The following LRP1B variants were observed in gnomAD, a reference collection of about 807,000 sequenced individuals.
LRP1B encodes the protein low-density lipoprotein receptor-related protein 1B.
In LRP1B, 217 loss-of-function variants were observed where a neutral mutation model predicts 556.6. The observed-to-expected ratio is 0.39, with a 90% CI of 0.35 to 0.44. The LOEUF (loss-of-function observed/expected upper bound fraction) is 0.44. Ranked by LOEUF, LRP1B falls within the 20% of genes least tolerant of loss-of-function variation. LRP1B has a pLI of 1.00. For missense variants in LRP1B, 5,053 were observed against 5,620.8 expected (o/e 0.90, Z 3.23); for synonymous variants, 2,047 against 1,865.8 (o/e 1.10, Z -2.50).
At chr2:141,187,358 C>T (rs1681306984) in intron 7 of LRP1B, among the ~76,000 whole-genome samples, 1 of 152,060 alleles carries the variant, frequency 6.6e-6, no homozygotes, top group Non-Finnish European at 1.5e-5. Context: ...CGAAAGTCCA[C>T]ATATGGATGA....
chr2:141,999,936 A>C (rs185207221), intron 1 of LRP1B, among the ~76,000 whole-genome samples: 350 of 151,232 alleles, frequency 2.3e-3, no homozygotes, highest in African/African-American at 8.2e-3. Context: ...GTGAAATTCT[A>C]GAATAAGGTT....
At chr2:141,475,263 A>G (rs1411140362) in intron 3 of LRP1B, among the ~76,000 whole-genome samples, 1 of 152,110 alleles carries the variant, frequency 6.6e-6, no homozygotes, top group Non-Finnish European at 1.5e-5. Context: ...GCTACTTGGG[A>G]CACTGAGGCA....
At chr2:141,105,661 T>C (rs1700585752) in intron 7 of LRP1B, among the ~76,000 whole-genome samples, 1 of 151,988 alleles carries the variant, frequency 6.6e-6, no homozygotes, top group African/African-American at 2.4e-5. Flanking sequence ...TTTGGAAAAG[T>C]CATTGGATTC....
intron 22 of LRP1B, among the ~76,000 whole-genome samples, chr2:140,907,178 T>C (rs375519872): frequency 2.9e-4 from 44 of 152,198 alleles, no homozygotes; most frequent in African/African-American, 9.9e-4. Context: ...CATTATCTAT[T>C]GATGTCACCT....
chr2:141,501,462 A>G (rs757933630), intron 2 of LRP1B, among the ~76,000 whole-genome samples: 25 of 152,190 alleles, frequency 1.6e-4, no homozygotes, highest in Non-Finnish European at 2.6e-4. Flanking sequence ...AATAGCTTCC[A>G]GTGTCCAATC....
intron 7 of LRP1B, among the ~76,000 whole-genome samples, chr2:141,147,409 AAT>A (rs1351387447): frequency 1.3e-5 from 2 of 152,224 alleles, no homozygotes; most frequent in African/African-American, 2.4e-5. Context: ...ATAGTCCAAC[AAT>A]AGAGTTGTAG....
intron 23 of LRP1B, among the ~76,000 whole-genome samples, chr2:140,890,112 AAC>A (rs1239429491): frequency 2.3e-5 from 3 of 127,784 alleles, no homozygotes; most frequent in Admixed American, 7.9e-5. Flanking sequence ...AAAAAAAAAA[AAC>A]CCTAGTTCCA....
chr2:141,893,657 G>T (rs1476958922), intron 1 of LRP1B, among the ~76,000 whole-genome samples: 1 of 152,176 alleles, frequency 6.6e-6, no homozygotes, highest in Non-Finnish European at 1.5e-5. Context: ...AAGCCATGGA[G>T]TATTCACTTG....
At chr2:140,445,771 A>T (rs1036775254) in intron 63 of LRP1B, among the ~76,000 whole-genome samples, 6 of 152,108 alleles carry the variant, frequency 3.9e-5, no homozygotes, top group Admixed American at 1.3e-4. Context: ...CTGAATATGA[A>T]TAATTCACCT....
intron 7 of LRP1B, among the ~76,000 whole-genome samples, chr2:141,142,987 G>A (rs986098419): frequency 7.5e-6 from 1 of 133,452 alleles, no homozygotes; most frequent in East Asian, 2.2e-4. Flanking sequence ...GGAGTTCAAT[G>A]GCGCGATCTC....
At chr2:141,829,763 T>C (rs1697054040) in intron 1 of LRP1B, among the ~76,000 whole-genome samples, 1 of 152,038 alleles carries the variant, frequency 6.6e-6, no homozygotes, top group Admixed American at 6.6e-5. Flanking sequence ...TCTTTTTTAC[T>C]TAGCTGAAAC....
intron 37 of LRP1B, among the ~76,000 whole-genome samples, chr2:140,713,110 T>C (rs1446307527): frequency 6.6e-6 from 1 of 152,132 alleles, no homozygotes; most frequent in African/African-American, 2.4e-5. Flanking sequence ...GAAGTGACTT[T>C]ATATTTATCC....
intron 2 of LRP1B, among the ~76,000 whole-genome samples, chr2:141,714,381 A>G (rs1037126674): frequency 1.3e-5 from 2 of 151,814 alleles, no homozygotes; most frequent in African/African-American, 4.8e-5. Context: ...AATTTGCTTC[A>G]GCTGTGAATG....
intron 3 of LRP1B, among the ~76,000 whole-genome samples, chr2:141,320,252 C>T (rs73965006): frequency 0.021 from 3,204 of 152,044 alleles, 118 homozygotes; most frequent in African/African-American, 0.073. Flanking sequence ...ATTATGCAAA[C>T]CTTTCTTACT....
intron 18 of LRP1B, among the ~76,000 whole-genome samples, chr2:140,975,760 T>C (rs1176922940): frequency 1.3e-5 from 2 of 152,104 alleles, no homozygotes; most frequent in Non-Finnish European, 2.9e-5. Context: ...CATATGCAGG[T>C]TTTTTCTTAG....
intron 1 of LRP1B, among the ~76,000 whole-genome samples, chr2:141,848,484 C>G (rs1005790085): frequency 6.7e-6 from 1 of 149,528 alleles, no homozygotes; most frequent in Non-Finnish European, 1.5e-5. Flanking sequence ...CTAGGAGACT[C>G]TATAAATAAT....
chr2:141,088,466 G>A (rs563781615), intron 7 of LRP1B, among the ~76,000 whole-genome samples: 5 of 152,096 alleles, frequency 3.3e-5, no homozygotes, highest in African/African-American at 1.2e-4. Flanking sequence ...TGAAAATGAC[G>A]GCTTGAGACC....
chr2:140,883,914 G>C lies in LRP1B; in HGVS notation c.4072C>G (p.Gln1358Glu), dbSNP rs775483244. The C allele has an allele frequency of 7.4e-6, 12 of 1,613,804 alleles. No individual in the cohort carries two copies. Among genetic ancestry groups the C allele is most frequent in the Middle Eastern group, 1.7e-4 (1 of 5,968 alleles). The change falls in exon 25 of 91, where the codon CAA becomes GAA. Residue 1358 changes from glutamine (Q) to glutamate (E), a missense_variant. Gln to Glu is a conservative substitution (Grantham distance 29, BLOSUM62 2). Around this residue, in one of 5 missense-constraint regions of LRP1B, gnomAD observed 3,619 missense variants for 3,931.9 expected, o/e 0.92. Transcript: ENST00000389484. ...NIYWIDSNLD[Q>E]IEVAKLDGSL... is the part of the protein sequence containing the mutation. ...CCATCTAGTTTGGCCACTTCGATTT[G>C]GTCCAGATTGCTGTCTATCCAGTAT...
chr2:141,578,947 C>G (rs1363126567), intron 2 of LRP1B, among the ~76,000 whole-genome samples: 1 of 152,096 alleles, frequency 6.6e-6, no homozygotes. Context: ...ATTTGAGTTT[C>G]CAGAAAACTC....
Sources: allele counts gnomAD v4.1 joint callset (sites outside exome capture counted in the v4.1 genomes callset), GRCh38; gene constraint gnomAD v4.1.1; regional missense constraint gnomAD v4.1.1; transcripts MANE v1.5; gene names NCBI Gene and HGNC (gene_info 2026-07-23, HGNC 2026-07-21).